MRS2: variants seen among roughly 807,000 people sequenced by gnomAD.
MRS2 encodes the protein magnesium transporter MRS2.
Under a neutral mutation model 52.6 loss-of-function variants are expected in MRS2, and 40 were observed. That is an observed-to-expected ratio of 0.76 (90% CI 0.59 to 0.99). The LOEUF is 0.99. MRS2 is among the 50% of genes least tolerant of loss of function. MRS2 has a pLI of 0.00. For missense variants in MRS2, 472 were observed against 532.7 expected, an observed-to-expected ratio of 0.89 and a Z score of 1.12; for synonymous variants, 193 against 195.9, an observed-to-expected ratio of 0.98 and a Z score of 0.13.
chr6:24,410,738 A>G, intron 4 of MRS2: 1 of 1,531,630 alleles, frequency 6.5e-7, no homozygotes, highest in East Asian at 2.4e-5. Context: ...AATATTCTCT[A>G]CTCTTGGAAT....
intron 2 of MRS2, among the ~76,000 whole-genome samples, chr6:24,406,506 G>T (rs1282899979): frequency 1.3e-5 from 2 of 152,190 alleles, no homozygotes; most frequent in African/African-American, 2.4e-5. Context: ...AGGCACGGTG[G>T]CTCACGCCTG....
At chr6:24,416,295 T>A in intron 6 of MRS2, 102 bp from the exon 7 acceptor site, 1 of 534,112 alleles carries the variant, frequency 1.9e-6, no homozygotes. Flanking sequence ...TTAGCATGAA[T>A]GTATAAGATA....
At chr6:24,420,108 G>A (rs571664876) in intron 9 of MRS2, among the ~76,000 whole-genome samples, 5 of 152,216 alleles carry the variant, frequency 3.3e-5, no homozygotes, top group South Asian at 2.1e-4. Context: ...TAAAAATCCC[G>A]TCCTGCCGCA....
At position 24,418,074 on chromosome 6, in the gene MRS2, T is replaced by C. The variant is rs989828098; in HGVS notation, c.837-10T>C. 3.8e-6 allele frequency: 6 copies of C among 1,599,142 alleles called. No individual in the cohort carries two copies. Among genetic ancestry groups the C allele is most frequent in the Non-Finnish European group, 5.1e-6 (6 of 1,175,848 alleles). ...GGGAGTATGTTAATTATTTTCTCTT[T>C]TAATTGAAGTGAAAAGAGCAGTGCT... is the stretch of plus-strand genomic sequence containing the variant. On this transcript the variant is annotated splice_polypyrimidine_tract_variant and intron_variant, in intron 7 of 10. Transcript: ENST00000378386.
chr6:24,406,372 A>G (rs1420333093), intron 2 of MRS2, among the ~76,000 whole-genome samples: 1 of 151,752 alleles, frequency 6.6e-6, no homozygotes, highest in Non-Finnish European at 1.5e-5. Context: ...TTGTTAACAT[A>G]AGAGCTTTTC....
rs112328336 is a variant in MRS2, at chr6:24,402,969, C to A, written c.-78C>A. On this transcript the variant is annotated 5_prime_UTR_variant, in exon 1 of 11. Transcript: ENST00000378386. ...TGCAGGTCGGGCGGTAGCGACAGGT[C>A]AGAGCTGCGGCCTGAGCAGCCAGCG... 4 of 1,388,084 alleles carry A rather than the reference C, an allele frequency of 2.9e-6. No individual in the cohort carries two copies. Among genetic ancestry groups the A allele is most frequent in the Admixed American group, 4.7e-5 (2 of 42,476 alleles). 86.0% of individuals were successfully genotyped at this position (1,388,084 alleles called of 1,614,324 possible). A position where few individuals can be genotyped will look rare whatever the true frequency, so the allele number is the denominator to read the frequency against.
chr6:24,420,312 C>T (rs1035364941), intron 9 of MRS2, among the ~76,000 whole-genome samples: 3 of 152,204 alleles, frequency 2.0e-5, no homozygotes, highest in Admixed American at 1.3e-4. Flanking sequence ...ACTTTGTCGT[C>T]TGCGCCCAAA....
At chr6:24,403,367 G>T (rs1761353159) in intron 1 of MRS2, 131 bp downstream of exon 1, 1 of 911,160 alleles carries the variant, frequency 1.1e-6, no homozygotes, top group Non-Finnish European at 1.6e-6. Flanking sequence ...CGCGTGTCCT[G>T]TGAGCTTGCA....
chr6:24,410,610 C>G, intron 4 of MRS2: 1 of 704,226 alleles, frequency 1.4e-6, no homozygotes, highest in South Asian at 2.4e-5. Context: ...CACCAGAGAC[C>G]AGGAGTTTGT....
intron 9 of MRS2, among the ~76,000 whole-genome samples, chr6:24,420,740 G>A (rs553287336): frequency 2.0e-5 from 3 of 152,102 alleles, no homozygotes; most frequent in Non-Finnish European, 4.4e-5. Flanking sequence ...AGGAAGATCT[G>A]GGGGAGAGTG....
At chr6:24,408,940 C>G (rs1010076392) in intron 3 of MRS2, among the ~76,000 whole-genome samples, 1 of 152,134 alleles carries the variant, frequency 6.6e-6, no homozygotes, top group South Asian at 2.1e-4. Context: ...AAAAGTGAGA[C>G]TAGGCATTAC....
rs756773225 is a variant in MRS2, at chr6:24,418,283, TAAGA to T, written c.989+51_989+54del. 4.7e-5 allele frequency: 69 copies of T among 1,478,760 alleles called. No individual in the cohort carries two copies. In the African/African-American group the frequency reaches 6.5e-4, roughly 14 times the overall value. The allele number at this position is 1,478,760 out of a possible 1,614,324, so 91.6% of individuals were successfully genotyped here. ...CTAAGTTTTTTTAATAAAATAATTA[TAAGA>T]AAGTTTTTAAGGAAATATTTTGTGA... On this transcript the variant is annotated intron_variant, in intron 8 of 10. Transcript: ENST00000378386.
intron 6 of MRS2, among the ~76,000 whole-genome samples, chr6:24,416,067 C>T (rs936654995): frequency 6.6e-6 from 1 of 152,258 alleles, no homozygotes; most frequent in South Asian, 2.1e-4. Flanking sequence ...GGACTGCAGG[C>T]ACATGCCACC....
At chr6:24,405,297 T>C in intron 2 of MRS2, 56 bp downstream of exon 2, 6 of 1,278,700 alleles carry the variant, frequency 4.7e-6, no homozygotes, top group Non-Finnish European at 6.8e-6. Context: ...ATACATAAGT[T>C]AACTCGTTGG....
intron 5 of MRS2, among the ~76,000 whole-genome samples, chr6:24,413,080 G>A (rs2127290088): frequency 6.6e-6 from 1 of 152,206 alleles, no homozygotes; most frequent in East Asian, 1.9e-4. Context: ...ATGAGCACCA[G>A]CTAGCACCAG....
At chr6:24,416,371 C>T (rs1233605340) in intron 6 of MRS2, 26 bp from the exon 7 acceptor site, 3 of 915,710 alleles carry the variant, frequency 3.3e-6, no homozygotes, top group Non-Finnish European at 5.3e-6. Context: ...TTCTATTGAT[C>T]ATTTTTGTGT....
intron 6 of MRS2, 92 bp from the exon 7 acceptor site, chr6:24,416,305 A>AAT (rs1273372500): frequency 1.7e-6 from 1 of 603,004 alleles, no homozygotes; most frequent in African/African-American, 1.9e-5. Flanking sequence ...TGTATAAGAT[A>AAT]ATATATTTGA....
chr6:24,414,706 C>G (rs1007559544), intron 5 of MRS2, among the ~76,000 whole-genome samples: 1 of 152,188 alleles, frequency 6.6e-6, no homozygotes, highest in Non-Finnish European at 1.5e-5. Flanking sequence ...AGGGGCTCAT[C>G]ACTTCCCAGA....
At chr6:24,407,537 C>A (rs1761518449) in intron 2 of MRS2, among the ~76,000 whole-genome samples, 2 of 152,170 alleles carry the variant, frequency 1.3e-5, no homozygotes, top group Admixed American at 6.5e-5. Context: ...AAATGTTTCA[C>A]AGCTTCAAAC....
Sources: gnomAD v4.1 joint callset for allele counts (sites outside exome capture counted in the v4.1 genomes callset) on GRCh38, gnomAD v4.1.1 for gene constraint, MANE v1.5 for transcripts, NCBI Gene and HGNC (gene_info 2026-07-23, HGNC 2026-07-21) for gene names.